Variants in ENTHD1 observed in about 807,000 individuals in gnomAD.
ENTHD1 encodes the protein ENTH domain containing 1.
Under a neutral mutation model 39.1 loss-of-function variants are expected in ENTHD1, and 23 were observed. The observed-to-expected ratio is 0.59, with a 90% CI of 0.42 to 0.83. The LOEUF is 0.83. Among genes scored for constraint, ENTHD1 ranks in the 40% least tolerant of loss-of-function variants. The pLI is 0.00. For missense variants in ENTHD1, 624 were observed against 705.4 expected (o/e 0.88, Z 1.31); for synonymous variants, 230 against 258.2 (o/e 0.89, Z 1.05).
In ENTHD1 at chr22:39,765,288, G is replaced by C. The variant is rs188801864; in HGVS notation, c.1154C>G (p.Ala385Gly). The C allele has an allele frequency of 6.2e-7, 1 of 1,613,434 alleles. No homozygotes were observed. The change falls in exon 6 of 7, where the codon GCC becomes GGC. Residue 385 changes from alanine (A) to glycine (G), a missense_variant. Transcript: ENST00000325157. ...GCTGGATTGTGCTGGTTTCTGGTAG[G>C]CCTTGTTGATTACAATCTCCTTCAC... ...DRVKEIVINKAYQKPAQSSIQ... is the reference protein window; with the variant it reads ...DRVKEIVINKGYQKPAQSSIQ...
At chr22:39,777,002 G>A (rs1380247145) in intron 5 of ENTHD1, among the ~76,000 whole-genome samples, 1 of 152,118 alleles carries the variant, frequency 6.6e-6, no homozygotes, top group Non-Finnish European at 1.5e-5. Context: ...CCCTTGTTCT[G>A]ATACATAGTA....
chr22:39,809,162 C>T (rs2065666461), intron 5 of ENTHD1, among the ~76,000 whole-genome samples: 1 of 152,196 alleles, frequency 6.6e-6, no homozygotes, highest in Non-Finnish European at 1.5e-5. Flanking sequence ...TTATGAACAA[C>T]ACACAAAAAC....
At chr22:39,831,848 A>G (rs1453163680) in intron 4 of ENTHD1, among the ~76,000 whole-genome samples, 1 of 152,152 alleles carries the variant, frequency 6.6e-6, no homozygotes, top group East Asian at 1.9e-4. Context: ...CAAACAAACA[A>G]AATATATAGA....
rs536294386 is a variant in ENTHD1 at position 39,765,381 on chromosome 22, G to T, written c.1061C>A (p.Ser354Tyr). 4 of 1,614,024 alleles carry T rather than the reference G, an allele frequency of 2.5e-6. No individual in the cohort carries two copies. The South Asian group carries it at 3.3e-5, about 13-fold the overall frequency. The change falls in exon 6 of 7, where the codon TCT becomes TAT. Residue 354 changes from serine (S) to tyrosine (Y), a missense_variant. Transcript: ENST00000325157. ...SPDLRVSKSD[S>Y]TFHNQASVET... is the part of the protein sequence containing the mutation. ...TACAGAGGCCTGGTTATGGAAAGTA[G>T]AATCTGACTTTGATACCCTTAAGTC... is the stretch of plus-strand genomic sequence containing the variant.
chr22:39,756,049 C>G (rs940428368), intron 6 of ENTHD1, among the ~76,000 whole-genome samples: 1 of 152,080 alleles, frequency 6.6e-6, no homozygotes, highest in African/African-American at 2.4e-5. Context: ...TTTAAAGGGA[C>G]ATTCGATTTA....
At chr22:39,763,751 CT>C (rs2065253184) in intron 6 of ENTHD1, among the ~76,000 whole-genome samples, 2 of 152,184 alleles carry the variant, frequency 1.3e-5, no homozygotes, top group East Asian at 3.9e-4. Context: ...AAAAGTTCTC[CT>C]TGTTAACCAG....
At chr22:39,813,318 AG>A (rs2065708023) in intron 5 of ENTHD1, among the ~76,000 whole-genome samples, 1 of 152,260 alleles carries the variant, frequency 6.6e-6, no homozygotes, top group Admixed American at 6.5e-5. Flanking sequence ...AGAGAATTTT[AG>A]AAAAAACAGC....
At chr22:39,822,203 T>C (rs1333573569) in intron 4 of ENTHD1, among the ~76,000 whole-genome samples, 1 of 152,124 alleles carries the variant, frequency 6.6e-6, no homozygotes, top group Non-Finnish European at 1.5e-5. Context: ...CTTTTTTTTT[T>C]TCTGTGAACT....
intron 2 of ENTHD1, among the ~76,000 whole-genome samples, chr22:39,884,455 T>C (rs763439194): frequency 5.9e-5 from 9 of 152,000 alleles, no homozygotes; most frequent in Non-Finnish European, 8.8e-5. Flanking sequence ...GCTGGGATTA[T>C]AGGCGTGAGT....
At chr22:39,808,998 C>T (rs2065665182) in intron 5 of ENTHD1, among the ~76,000 whole-genome samples, 1 of 152,154 alleles carries the variant, frequency 6.6e-6, no homozygotes, top group African/African-American at 2.4e-5. Flanking sequence ...TACACAGTTA[C>T]TATGTTGATA....
intron 6 of ENTHD1, among the ~76,000 whole-genome samples, chr22:39,749,851 G>A (rs989338591): frequency 2.0e-5 from 3 of 152,168 alleles, no homozygotes; most frequent in African/African-American, 7.2e-5. Flanking sequence ...TCCAGGGCTG[G>A]GCACTGGGTT....
At chr22:39,865,801 T>C (rs1357966015) in intron 2 of ENTHD1, among the ~76,000 whole-genome samples, 1 of 152,210 alleles carries the variant, frequency 6.6e-6, no homozygotes, top group Non-Finnish European at 1.5e-5. Context: ...CCATTTGAAC[T>C]GGGTAATGCA....
At chr22:39,819,476 A>T (rs551361385) in intron 5 of ENTHD1, among the ~76,000 whole-genome samples, 1 of 146,938 alleles carries the variant, frequency 6.8e-6, no homozygotes, top group South Asian at 2.1e-4. Flanking sequence ...ATTACCAAGT[A>T]AAAAAAAAAA....
At chr22:39,887,950 C>T (rs9611225) in intron 1 of ENTHD1, 47 bp from the exon 2 acceptor site, 52 of 479,454 alleles carry the variant, frequency 1.1e-4, no homozygotes, top group African/African-American at 9.1e-4. Flanking sequence ...TTTTTTAAGT[C>T]TATAGAAGAC....
chr22:39,827,014 A>ATTT (rs1269713696), intron 4 of ENTHD1, among the ~76,000 whole-genome samples: 1 of 135,852 alleles, frequency 7.4e-6, no homozygotes, highest in African/African-American at 2.7e-5. Flanking sequence ...TGCCCAACTA[A>ATTT]TTTTTTTTTT....
chr22:39,828,150 G>A (rs1176911236), intron 4 of ENTHD1, among the ~76,000 whole-genome samples: 1 of 152,184 alleles, frequency 6.6e-6, no homozygotes, highest in African/African-American at 2.4e-5. Flanking sequence ...AAAGAAATGT[G>A]TAGACACAAA....
At position 39,776,795 on chromosome 22, in the gene ENTHD1, G is replaced by A. The variant is rs556030513; in HGVS notation, c.833-11186C>T. ...CAGATGACGATGAAATCTGTTGAAAGAGAACTTCAGATTTGCTACTGAGTT... is the reference window on the plus strand; with the variant it reads ...CAGATGACGATGAAATCTGTTGAAAAAGAACTTCAGATTTGCTACTGAGTT... On this transcript the variant is annotated intron_variant, in intron 5 of 6. Transcript: ENST00000325157. Among the ~76,000 whole-genome samples, 79 of 152,348 alleles carry A rather than the reference G, an allele frequency of 5.2e-4. 1 individual carries two copies. In the South Asian group the frequency reaches 0.016, roughly 30 times the overall value.
At chr22:39,871,713 A>G (rs1286769999) in intron 2 of ENTHD1, among the ~76,000 whole-genome samples, 1 of 152,198 alleles carries the variant, frequency 6.6e-6, no homozygotes, top group African/African-American at 2.4e-5. Context: ...TTTAAGCTTA[A>G]AAGAATTCAT....
chr22:39,850,125 T>A (rs1292900585), intron 3 of ENTHD1, among the ~76,000 whole-genome samples: 2 of 152,202 alleles, frequency 1.3e-5, no homozygotes, highest in Admixed American at 1.3e-4. Flanking sequence ...ATAAAATCCA[T>A]ATTAAAAAAA....
Sources: allele counts gnomAD v4.1 joint callset (sites outside exome capture counted in the v4.1 genomes callset), GRCh38; gene constraint gnomAD v4.1.1; transcripts MANE v1.5; gene names NCBI Gene and HGNC (gene_info 2026-07-23, HGNC 2026-07-21).